SHB: variants seen among roughly 807,000 people sequenced by gnomAD.
SHB encodes the protein SH2 domain-containing adapter protein B.
A neutral mutation model predicts 52.3 loss-of-function variants in SHB; 20 were observed. The ratio of observed to expected loss-of-function variants is 0.38; its 90% CI spans 0.27 to 0.56. The LOEUF is 0.56. Ranked by LOEUF, SHB falls within the 20% of genes least tolerant of loss-of-function variation. The pLI is 0.71. For synonymous variants in SHB, 397 were observed against 316.5 expected (o/e 1.25, Z -2.70); for missense variants, 825 against 723.3 (o/e 1.14, Z -1.61).
chr9:37,926,350 G>A (rs1156756266), intron 5 of SHB, among the ~76,000 whole-genome samples: 2 of 152,266 alleles, frequency 1.3e-5, no homozygotes, highest in African/African-American at 4.8e-5. Flanking sequence ...CCTCACACCC[G>A]CGAGCAGGAT....
Position 37,923,216 on chromosome 9 carries a change from C to T in SHB, c.1347-3212G>A, listed in dbSNP as rs941316604. ...TAACCCTCAGTGTTCCATGTGAAGCCAGGCAGAGGGGGCGGATGAGAGGCG... is the reference window on the plus strand; with the variant it reads ...TAACCCTCAGTGTTCCATGTGAAGCTAGGCAGAGGGGGCGGATGAGAGGCG... On this transcript the variant is annotated intron_variant, in intron 5 of 5. Transcript: ENST00000377707. 3.3e-5 allele frequency among the ~76,000 whole-genome samples: 5 copies of T among 152,206 alleles called. No homozygotes were observed. In the East Asian group the frequency reaches 9.6e-4, roughly 29 times the overall value.
At position 37,955,908 on chromosome 9, in the gene SHB, G is replaced by T. The variant is rs1418240148; in HGVS notation, c.1201C>A (p.Pro401Thr). The change falls in exon 4 of 6, where the codon CCT becomes ACT. Residue 401 changes from proline to threonine, a missense_variant. Transcript: ENST00000377707. ...ATTTGCTTCTCCAGGGGGACGGCAGGATCCACCCTTTCTCCTAGGATCCCG... is the reference window on the plus strand; with the variant it reads ...ATTTGCTTCTCCAGGGGGACGGCAGTATCCACCCTTTCTCCTAGGATCCCG... ...FCGILGERVD[P>T]AVPLEKQIWY... 1 of 1,613,922 alleles carries T rather than the reference G, an allele frequency of 6.2e-7. No individual in the cohort carries two copies. Among genetic ancestry groups the T allele is most frequent in the Non-Finnish European group, 8.5e-7 (1 of 1,179,956 alleles).
At chr9:37,920,559 CATT>C (rs1564079150) in intron 5 of SHB, among the ~76,000 whole-genome samples, 2 of 152,252 alleles carry the variant, frequency 1.3e-5, no homozygotes, top group African/African-American at 2.4e-5. Context: ...CCAGGGACTA[CATT>C]TCCCAGCCTC....
chr9:38,026,486 C>A (rs1821345713), intron 1 of SHB, among the ~76,000 whole-genome samples: 1 of 152,248 alleles, frequency 6.6e-6, no homozygotes, highest in Non-Finnish European at 1.5e-5. Context: ...CTGGGCCAGG[C>A]CCCTTTAAGG....
intron 5 of SHB, among the ~76,000 whole-genome samples, chr9:37,940,155 C>T (rs145978421): frequency 6.6e-6 from 1 of 152,310 alleles, no homozygotes; most frequent in Non-Finnish European, 1.5e-5. Context: ...GCTGTTCCTA[C>T]ACTCTCCACC....
intron 1 of SHB, among the ~76,000 whole-genome samples, chr9:38,055,669 C>T (rs1821804289): frequency 2.0e-5 from 3 of 152,150 alleles, no homozygotes; most frequent in Non-Finnish European, 2.9e-5. Context: ...AATACCCACT[C>T]CTGGGCTCTC....
intron 5 of SHB, among the ~76,000 whole-genome samples, chr9:37,934,675 A>G (rs933175253): frequency 1.3e-5 from 2 of 152,226 alleles, no homozygotes; most frequent in Non-Finnish European, 2.9e-5. Context: ...GGAACATTCA[A>G]AGGTCACTGT....
chr9:37,960,919 G>C (rs904281057), intron 3 of SHB, among the ~76,000 whole-genome samples: 2 of 152,224 alleles, frequency 1.3e-5, no homozygotes, highest in African/African-American at 2.4e-5. Flanking sequence ...AGGCCTGCAA[G>C]GTCAGGCTCA....
intron 1 of SHB, among the ~76,000 whole-genome samples, chr9:38,057,129 A>T (rs187512948): frequency 9.8e-4 from 149 of 152,358 alleles, no homozygotes; most frequent in Non-Finnish European, 1.5e-3. Flanking sequence ...AGTTACAAAG[A>T]TGTTCATTAC....
At chr9:37,938,349 G>A (rs1832397797) in intron 5 of SHB, among the ~76,000 whole-genome samples, 1 of 152,206 alleles carries the variant, frequency 6.6e-6, no homozygotes. Context: ...TAGCAGATGT[G>A]ACGTCTGCAG....
chr9:38,044,992 G>A (rs1323759894), intron 1 of SHB, among the ~76,000 whole-genome samples: 1 of 152,248 alleles, frequency 6.6e-6, no homozygotes, highest in Non-Finnish European at 1.5e-5. Context: ...TTAAGAGGAT[G>A]AGGAGGATAA....
chr9:37,929,437 G>C (rs1051317825), intron 5 of SHB, among the ~76,000 whole-genome samples: 1 of 152,240 alleles, frequency 6.6e-6, no homozygotes, highest in Non-Finnish European at 1.5e-5. Flanking sequence ...GCAGGACTCA[G>C]GGTCCTGGCG....
intron 2 of SHB, among the ~76,000 whole-genome samples, chr9:37,992,628 T>C (rs1277165006): frequency 6.6e-6 from 1 of 152,128 alleles, no homozygotes. Flanking sequence ...CTTTATCCCA[T>C]GCAGGGGGCT....
chr9:38,005,891 T>C (rs1821071202), intron 2 of SHB, among the ~76,000 whole-genome samples: 1 of 152,164 alleles, frequency 6.6e-6, no homozygotes. Flanking sequence ...GGACTTCTCA[T>C]GGTGGCCCCC....
intron 2 of SHB, among the ~76,000 whole-genome samples, chr9:37,988,082 G>C (rs1820833448): frequency 6.6e-6 from 1 of 152,244 alleles, no homozygotes; most frequent in Non-Finnish European, 1.5e-5. Context: ...AATGTGCCCA[G>C]TGCCCAGCAC....
intron 2 of SHB, among the ~76,000 whole-genome samples, chr9:38,008,718 G>T (rs1821102053): frequency 6.6e-6 from 1 of 152,184 alleles, no homozygotes; most frequent in African/African-American, 2.4e-5. Context: ...ATCCTGCCAT[G>T]ATCCAGCTGG....
chr9:37,974,782 G>A lies in SHB; in HGVS notation c.894C>T (p.Asp298=). The A allele has an allele frequency of 4.3e-6, 7 of 1,614,136 alleles. No homozygotes were observed. Among genetic ancestry groups the A allele is most frequent in the Non-Finnish European group, 5.9e-6 (7 of 1,179,980 alleles). Residue 298 remains aspartate, a synonymous_variant, in exon 3 of 6, where the codon GAC becomes GAT. Transcript: ENST00000377707. ...RSQHKGIQLY[D]TPYEPEGQSV... ...TTTGGCCTTCAGGTTCGTAAGGGGT[G>A]TCATATAACTGGATACCTTTATGCT...
chr9:38,014,761 G>A (rs1470538090), intron 2 of SHB, among the ~76,000 whole-genome samples: 1 of 152,084 alleles, frequency 6.6e-6, no homozygotes, highest in Non-Finnish European at 1.5e-5. Context: ...TGAACAGGAG[G>A]AGCAGGAGGC....
intron 5 of SHB, among the ~76,000 whole-genome samples, chr9:37,922,816 TCTC>T (rs1832199594): frequency 6.6e-6 from 1 of 152,116 alleles, no homozygotes; most frequent in African/African-American, 2.4e-5. Flanking sequence ...CTCTGTCCCT[TCTC>T]CTGCTGCATC....
Sources: gnomAD v4.1 joint callset for allele counts (sites outside exome capture counted in the v4.1 genomes callset) on GRCh38, gnomAD v4.1.1 for gene constraint, MANE v1.5 for transcripts, NCBI Gene and HGNC (gene_info 2026-07-23, HGNC 2026-07-21) for gene names.